The following CMKLR1 variants were observed in gnomAD, a reference collection of about 807,000 sequenced individuals.
CMKLR1 encodes the protein chemerin-like receptor 1.
In CMKLR1, 6 loss-of-function variants were observed where a neutral mutation model predicts 8.2. The observed-to-expected ratio is 0.73, with a 90% confidence interval of 0.40 to 1.44. The LOEUF (loss-of-function observed/expected upper bound fraction) is 1.44. CMKLR1 is among the 40% of genes most tolerant of loss of function. The probability of loss-of-function intolerance (pLI) is 0.02; values close to 1 mark genes in which losing one functional copy is unlikely to be tolerated. For missense variants in CMKLR1, 429 were observed against 478.0 expected (o/e 0.90, Z 0.96); for synonymous variants, 178 against 181.2 (o/e 0.98, Z 0.14).
chr12:108,305,165 C>G (rs1163622275), intron 2 of CMKLR1, among the ~76,000 whole-genome samples: 1 of 152,200 alleles, frequency 6.6e-6, no homozygotes, highest in Non-Finnish European at 1.5e-5. Context: ...AAAAGAGGGA[C>G]TTGGTCTCTC....
chr12:108,308,747 G>A (rs1370885609), intron 2 of CMKLR1, among the ~76,000 whole-genome samples: 4 of 152,180 alleles, frequency 2.6e-5, no homozygotes, highest in Admixed American at 2.0e-4. Flanking sequence ...TCTTGATATT[G>A]GGCTCAGCTC....
chr12:108,312,538 A>C (rs1269674492), intron 2 of CMKLR1, among the ~76,000 whole-genome samples: 3 of 152,210 alleles, frequency 2.0e-5, no homozygotes. Flanking sequence ...CACAGACGGC[A>C]TACTCAGTGC....
chr12:108,301,677 A>C (rs566184721), intron 2 of CMKLR1, among the ~76,000 whole-genome samples: 1 of 152,362 alleles, frequency 6.6e-6, no homozygotes, highest in South Asian at 2.1e-4. Flanking sequence ...TTTCCAAAAC[A>C]ACCTTGCAAA....
intron 2 of CMKLR1, among the ~76,000 whole-genome samples, chr12:108,307,707 C>T (rs1406283473): frequency 6.6e-6 from 1 of 152,244 alleles, no homozygotes; most frequent in African/African-American, 2.4e-5. Flanking sequence ...AGAGGCTCTG[C>T]AAAGCGTGTT....
rs78370420 is a variant in CMKLR1, at chr12:108,292,171, G to C, written c.792C>G (p.Thr264=). ...AGCAGAGGAAGAAGGTAATGATGAT[G>C]GTCACAATAATCTTGAAGGGCTTCT... ...KTKKPFKIIV[T]IIITFFLCWC... is the part of the protein sequence containing the mutation. The change falls in exon 4 of 4, where the codon ACC becomes ACG. Residue 264 remains threonine, a synonymous_variant. Coordinates refer to ENST00000550402, the MANE Select transcript of CMKLR1 (RefSeq NM_001142343.2). 110 of 1,614,148 alleles carry C rather than the reference G, an allele frequency of 6.8e-5. No homozygotes were observed. In the African/African-American group the frequency reaches 1.4e-3, roughly 21 times the overall value.
chr12:108,300,202 G>C (rs1891232396), intron 2 of CMKLR1, among the ~76,000 whole-genome samples: 2 of 152,362 alleles, frequency 1.3e-5, no homozygotes, highest in Admixed American at 1.3e-4. Context: ...CTTCAGGAGA[G>C]TGGGCTTGTT....
Position 108,330,768 on chromosome 12 carries a change from G to C in CMKLR1, c.-286-561C>G, listed in dbSNP as rs1005548991. On this transcript the variant is annotated intron_variant, in intron 1 of 3. Transcript: ENST00000550402. ...AATAAAGTAGAGCAGTTGGTAGCAGGACTGGGAGCAGAAGGAGGTAGACAT... is the reference window on the plus strand; with the variant it reads ...AATAAAGTAGAGCAGTTGGTAGCAGCACTGGGAGCAGAAGGAGGTAGACAT... Among the ~76,000 whole-genome samples, 43 of 152,324 alleles carry C rather than the reference G, an allele frequency of 2.8e-4. 1 individual carries two copies. The highest frequency in any genetic ancestry group is 5.7e-4 in the Non-Finnish European group (39 of 68,022).
chr12:108,308,560 C>T (rs1891468618), intron 2 of CMKLR1, among the ~76,000 whole-genome samples: 1 of 152,184 alleles, frequency 6.6e-6, no homozygotes, highest in African/African-American at 2.4e-5. Flanking sequence ...GCTCCCATCA[C>T]TGTAGGAAGT....
chr12:108,324,391 CT>C (rs529199638), intron 2 of CMKLR1, among the ~76,000 whole-genome samples: 3 of 152,180 alleles, frequency 2.0e-5, no homozygotes, highest in Admixed American at 6.5e-5. Context: ...CCCCGTGCCC[CT>C]ATTCCCTCCA....
At chr12:108,309,213 A>T (rs143641935) in intron 2 of CMKLR1, among the ~76,000 whole-genome samples, 1 of 152,376 alleles carries the variant, frequency 6.6e-6, no homozygotes, top group East Asian at 1.9e-4. Flanking sequence ...TGCTGAAAAA[A>T]TACAATGAAT....
rs528754512 is a variant in CMKLR1 at position 108,307,938 on chromosome 12, C to T, written c.-73-14274G>A. On this transcript the variant is annotated intron_variant, in intron 2 of 3. Coordinates refer to ENST00000550402, the MANE Select transcript of CMKLR1 (RefSeq NM_001142343.2). The stretch of plus-strand genomic sequence containing the variant: ...TGGCACACCTAGAAAAACAGCCAGC[C>T]CTTCATCAGGTCACAAACAATGCCA... Among the ~76,000 whole-genome samples, 144 of 152,260 alleles carry T rather than the reference C, an allele frequency of 9.5e-4. 3 individuals carry two copies. Among genetic ancestry groups the T allele is most frequent in the African/African-American group, 3.2e-3 (133 of 41,538 alleles).
chr12:108,319,699 T>C (rs1891814369), intron 2 of CMKLR1, among the ~76,000 whole-genome samples: 1 of 151,630 alleles, frequency 6.6e-6, no homozygotes, highest in Non-Finnish European at 1.5e-5. Context: ...GTTATTATTG[T>C]TGTTGTTGTT....
At chr12:108,295,244 GCAGGGCT>G (rs1891103439) in intron 2 of CMKLR1, among the ~76,000 whole-genome samples, 1 of 152,248 alleles carries the variant, frequency 6.6e-6, no homozygotes, top group Non-Finnish European at 1.5e-5. Context: ...AGGGGCTACA[GCAGGGCT>G]CAGAGAGATC....
chr12:108,331,798 G>A (rs972560175), intron 1 of CMKLR1, among the ~76,000 whole-genome samples: 3 of 152,136 alleles, frequency 2.0e-5, no homozygotes, highest in African/African-American at 7.2e-5. Flanking sequence ...GAATGTGGCA[G>A]CCTCTAGAAG....
At position 108,292,608 on chromosome 12, in the gene CMKLR1, G is replaced by A. The variant is rs1332043542; in HGVS notation, c.355C>T (p.Leu119Phe). Residue 119 changes from leucine (L) to phenylalanine (F), a missense_variant, in exon 4 of 4, where the codon CTC (leucine) becomes TTC (phenylalanine). Coordinates refer to ENST00000550402, the MANE Select transcript of CMKLR1 (RefSeq NM_001142343.2). The stretch of plus-strand genomic sequence containing the variant: ...ACGCTGGTGAACATGTTGTGGATGA[G>A]AAGGAAGTTGCTGATCTTGCACATG... ...TAMCKISNFLLIHNMFTSVFL... is the reference protein window; with the variant it reads ...TAMCKISNFLFIHNMFTSVFL... 6.2e-7 allele frequency: 1 copy of A among 1,614,196 alleles called. No individual in the cohort carries two copies. Among genetic ancestry groups the A allele is most frequent in the South Asian group, 1.1e-5 (1 of 91,074 alleles).
intron 2 of CMKLR1, among the ~76,000 whole-genome samples, chr12:108,300,466 GATGAATGAATGAATGA>G (rs5800818): frequency 1.3e-5 from 2 of 151,480 alleles, no homozygotes; most frequent in African/African-American, 4.8e-5. Context: ...AATATTGTTT[GATGAATGAATGAATGA>G]ATGAATGAAT....
intron 2 of CMKLR1, among the ~76,000 whole-genome samples, 154 bp from the exon 3 acceptor site, chr12:108,293,818 G>C (rs532762508): frequency 5.3e-4 from 80 of 152,320 alleles, no homozygotes; most frequent in African/African-American, 1.9e-3. Flanking sequence ...ATTCAGCCAA[G>C]GTTATGCAGC....
chr12:108,294,804 C>T (rs1406091568), intron 2 of CMKLR1, among the ~76,000 whole-genome samples: 1 of 152,196 alleles, frequency 6.6e-6, no homozygotes, highest in Non-Finnish European at 1.5e-5. Context: ...GATATTTCAG[C>T]TTCACAAGGC....
intron 2 of CMKLR1, among the ~76,000 whole-genome samples, chr12:108,324,480 C>T (rs1891936590): frequency 2.0e-5 from 3 of 152,218 alleles, no homozygotes; most frequent in Admixed American, 2.0e-4. Context: ...TCCATGAGTT[C>T]TCTACCCCAA....
Sources: allele counts gnomAD v4.1 joint callset (sites outside exome capture counted in the v4.1 genomes callset), GRCh38; gene constraint gnomAD v4.1.1; transcripts MANE v1.5; gene names NCBI Gene and HGNC (gene_info 2026-07-23, HGNC 2026-07-21).